The following LRMDA variants were observed in gnomAD, a reference collection of about 807,000 sequenced individuals.
LRMDA encodes leucine rich melanocyte differentiation associated.
LRMDA carries 18 observed loss-of-function variants against 29.8 expected under a neutral mutation model. That is an observed-to-expected ratio of 0.60 (90% CI 0.42 to 0.90). LRMDA has a LOEUF of 0.90. Ranked by LOEUF, LRMDA falls within the 40% of genes least tolerant of loss-of-function variation. The pLI is 0.00. For missense variants in LRMDA, 273 were observed against 273.9 expected (o/e 1.00, Z 0.02); for synonymous variants, 125 against 109.4 (o/e 1.14, Z -0.89).
intron 2 of LRMDA, among the ~76,000 whole-genome samples, chr10:75,764,893 G>A (rs1055076100): frequency 1.3e-5 from 2 of 151,910 alleles, no homozygotes; most frequent in African/African-American, 4.8e-5. Flanking sequence ...GGGTCCGGCT[G>A]TGGAGTCAGC....
chr10:75,791,195 T>C (rs1269469514), intron 2 of LRMDA, among the ~76,000 whole-genome samples: 1 of 152,150 alleles, frequency 6.6e-6, no homozygotes, highest in Non-Finnish European at 1.5e-5. Context: ...TGTAGCCGCA[T>C]ATGAATAGTG....
chr10:76,169,460 G>A (rs1319129661), intron 5 of LRMDA, among the ~76,000 whole-genome samples: 1 of 152,194 alleles, frequency 6.6e-6, no homozygotes, highest in African/African-American at 2.4e-5. Flanking sequence ...CAGACGGGAT[G>A]TTGGAGCCCT....
chr10:76,169,584 T>C (rs535802239), intron 5 of LRMDA, among the ~76,000 whole-genome samples: 22 of 152,252 alleles, frequency 1.4e-4, no homozygotes, highest in Middle Eastern at 3.4e-3. Flanking sequence ...GAATTTTCTT[T>C]AGTGGTCATT....
Position 76,211,211 on chromosome 10 carries a change from G to A in LRMDA, c.517-113190G>A, listed in dbSNP as rs1851627900. On this transcript the variant is annotated intron_variant, in intron 5 of 6. Coordinates refer to ENST00000611255, the MANE Select transcript of LRMDA (RefSeq NM_001305581.2). ...CTATCAACATCCTACAGTTCACTAA[G>A]CCTGGTACCCAGTTGCCTCCTCTGG... Among the ~76,000 whole-genome samples the A allele has an allele frequency of 2.6e-5, 4 of 152,170 alleles. No homozygotes were observed. The South Asian group carries it at 8.3e-4, about 32-fold the overall frequency.
At chr10:75,491,410 G>T (rs1382923124) in intron 2 of LRMDA, among the ~76,000 whole-genome samples, 4 of 152,140 alleles carry the variant, frequency 2.6e-5, no homozygotes, top group Non-Finnish European at 5.9e-5. Context: ...TGCGGCACTG[G>T]CTAGTTGCTT....
At chr10:75,865,940 T>C (rs1234789333) in intron 2 of LRMDA, among the ~76,000 whole-genome samples, 2 of 152,252 alleles carry the variant, frequency 1.3e-5, no homozygotes, top group East Asian at 1.9e-4. Context: ...ATTATAGTTA[T>C]GCCTCTTGGG....
intron 6 of LRMDA, among the ~76,000 whole-genome samples, chr10:76,427,965 T>C (rs1432425178): frequency 6.6e-6 from 1 of 152,210 alleles, no homozygotes; most frequent in African/African-American, 2.4e-5. Flanking sequence ...CAGTTGATCA[T>C]GGTGGATACG....
chr10:76,493,341 G>A (rs1842852044), intron 6 of LRMDA, among the ~76,000 whole-genome samples: 1 of 151,896 alleles, frequency 6.6e-6, no homozygotes, highest in Non-Finnish European at 1.5e-5. Flanking sequence ...AAGACTCAAG[G>A]GCTCTTGGGT....
chr10:76,282,390 A>T (rs945184759), intron 5 of LRMDA, among the ~76,000 whole-genome samples: 1 of 152,220 alleles, frequency 6.6e-6, no homozygotes, highest in Non-Finnish European at 1.5e-5. Flanking sequence ...GTGTTCCACC[A>T]GCTGCACAGT....
chr10:75,638,855 A>G (rs1024357352), intron 2 of LRMDA, among the ~76,000 whole-genome samples: 1 of 152,232 alleles, frequency 6.6e-6, no homozygotes. Flanking sequence ...TTATAAATCA[A>G]GAGTAGATGC....
intron 2 of LRMDA, among the ~76,000 whole-genome samples, chr10:75,502,918 C>T (rs1191919090): frequency 6.6e-6 from 1 of 152,138 alleles, no homozygotes; most frequent in Admixed American, 6.6e-5. Context: ...ACCTTTTCTT[C>T]TCTTTCCTGT....
intron 5 of LRMDA, among the ~76,000 whole-genome samples, chr10:76,190,471 C>T (rs140674641): frequency 2.4e-3 from 369 of 152,260 alleles, no homozygotes; most frequent in African/African-American, 8.6e-3. Flanking sequence ...GGTAAATCTT[C>T]ATGTTTTGAT....
chr10:76,246,103 T>C (rs1002801033), intron 5 of LRMDA, among the ~76,000 whole-genome samples: 2 of 152,162 alleles, frequency 1.3e-5, no homozygotes, highest in Non-Finnish European at 2.9e-5. Context: ...TCTACCAAAG[T>C]TCACAGCCTT....
rs1208870375 is a variant in LRMDA, at chr10:75,839,778, G to C, written c.132-196230G>C. On this transcript the variant is annotated intron_variant, in intron 2 of 6. Coordinates refer to ENST00000611255, the MANE Select transcript of LRMDA (RefSeq NM_001305581.2). ...GGCTGGAGTGCAGTGGCACGATCTG[G>C]GCTCACTGCAAGCTCTTCCTCCCAG... Among the ~76,000 whole-genome samples the C allele has an allele frequency of 2.0e-5, 3 of 148,032 alleles. No individual in the cohort carries two copies. In the East Asian group the frequency reaches 5.9e-4, roughly 29 times the overall value.
At position 75,633,807 on chromosome 10, in the gene LRMDA, G is replaced by A. The variant is rs569237569; in HGVS notation, c.131+195313G>A. 5.2e-4 allele frequency among the ~76,000 whole-genome samples: 79 copies of A among 152,330 alleles called. 1 individual carries two copies. The South Asian group carries it at 0.016, about 32-fold the overall frequency. On this transcript the variant is annotated intron_variant, in intron 2 of 6. Coordinates refer to ENST00000611255, the MANE Select transcript of LRMDA (RefSeq NM_001305581.2). ...AATTTTTTTGCAACAGATGATGTCA[G>A]TGACAGTTTTATAACTGGGATTACA...
At chr10:75,461,126 C>T (rs951609175) in intron 2 of LRMDA, among the ~76,000 whole-genome samples, 4 of 152,058 alleles carry the variant, frequency 2.6e-5, no homozygotes, top group Non-Finnish European at 2.9e-5. Context: ...AGAAATTTTA[C>T]GTGACACAGG....
At chr10:76,312,113 C>T (rs1840636765) in intron 5 of LRMDA, among the ~76,000 whole-genome samples, 1 of 152,148 alleles carries the variant, frequency 6.6e-6, no homozygotes, top group South Asian at 2.1e-4. Flanking sequence ...AAATTTATGG[C>T]TGAGCACATT....
At chr10:75,996,063 T>G (rs535207381) in intron 2 of LRMDA, among the ~76,000 whole-genome samples, 6 of 152,232 alleles carry the variant, frequency 3.9e-5, no homozygotes, top group Non-Finnish European at 5.9e-5. Flanking sequence ...AAGCACAATT[T>G]AAAAGCCTGA....
At chr10:76,320,914 T>C (rs1840763091) in intron 5 of LRMDA, among the ~76,000 whole-genome samples, 1 of 152,180 alleles carries the variant, frequency 6.6e-6, no homozygotes, top group Non-Finnish European at 1.5e-5. Context: ...ATCAACAAAT[T>C]TTATATTTCC....
Sources: gnomAD v4.1 joint callset for allele counts (sites outside exome capture counted in the v4.1 genomes callset) on GRCh38, gnomAD v4.1.1 for gene constraint, MANE v1.5 for transcripts, NCBI Gene and HGNC (gene_info 2026-07-23, HGNC 2026-07-21) for gene names.